The following C10orf143 variants were observed in gnomAD, a reference collection of about 807,000 sequenced individuals.
C10orf143 encodes chromosome 10 open reading frame 143.
downstream of C10orf143, among the ~76,000 whole-genome samples, chr10:130,059,865 T>C (rs1860835478): frequency 6.6e-6 from 1 of 152,188 alleles, no homozygotes; most frequent in Non-Finnish European, 1.5e-5. Context: ...ATCATGAAAT[T>C]GATGAAGCAT....
At chr10:130,047,259 A>G (rs1246479186) in intron 3 of C10orf143, among the ~76,000 whole-genome samples, 2 of 152,138 alleles carry the variant, frequency 1.3e-5, no homozygotes, top group African/African-American at 4.8e-5. Flanking sequence ...TGCCGTGGGG[A>G]TGAAGTTTCC....
At chr10:130,088,788 C>G (rs770908138) in intron 1 of C10orf143, among the ~76,000 whole-genome samples, 2 of 152,176 alleles carry the variant, frequency 1.3e-5, no homozygotes, top group Non-Finnish European at 2.9e-5. Context: ...TTCTTTCCAT[C>G]AAGTAAAGAT....
rs573788663 is a variant in C10orf143, at chr10:130,088,188, G to A, written c.70-8287C>T. Among the ~76,000 whole-genome samples the A allele has an allele frequency of 8.5e-5, 13 of 152,240 alleles. No homozygotes were observed. The East Asian group carries it at 1.7e-3, about 20-fold the overall frequency. On this transcript the variant is annotated intron_variant, in intron 1 of 3. Coordinates refer to ENST00000637128, the MANE Select transcript of C10orf143 (RefSeq NM_001355042.2). ...ACCTGAGATCAGGAGTTCGAGACCA[G>A]CCTGGCCAACATGGTGAAATTCCGT...
intron 1 of C10orf143, among the ~76,000 whole-genome samples, chr10:130,110,084 T>C (rs1028680222): frequency 2.0e-5 from 3 of 152,168 alleles, no homozygotes; most frequent in Non-Finnish European, 4.4e-5. Flanking sequence ...CCTCCCATCC[T>C]GCCTACCCCC....
intron 3 of C10orf143, among the ~76,000 whole-genome samples, chr10:130,049,473 C>T (rs1012817558): frequency 5.9e-5 from 9 of 152,348 alleles, no homozygotes; most frequent in African/African-American, 1.9e-4. Flanking sequence ...ACCGGGCAGC[C>T]CCTGGGCCAG....
At chr10:130,050,461 C>G (rs1222984671) in intron 3 of C10orf143, among the ~76,000 whole-genome samples, 3 of 152,204 alleles carry the variant, frequency 2.0e-5, no homozygotes, top group Non-Finnish European at 4.4e-5. Flanking sequence ...GAGGTCAAAG[C>G]TGCAGTGAGC....
chr10:130,052,766 T>C (rs1860751185), intron 3 of C10orf143, among the ~76,000 whole-genome samples: 1 of 152,258 alleles, frequency 6.6e-6, no homozygotes, highest in Admixed American at 6.5e-5. Context: ...AGCGTTACTC[T>C]TTCATGGTCC....
chr10:130,040,635 C>A (rs1035234854), intron 3 of C10orf143, among the ~76,000 whole-genome samples: 1 of 152,134 alleles, frequency 6.6e-6, no homozygotes, highest in Admixed American at 6.5e-5. Flanking sequence ...GATTTCGAGA[C>A]CAACCTGGCC....
chr10:130,043,883 C>T (rs902895475), intron 3 of C10orf143, among the ~76,000 whole-genome samples: 2 of 152,196 alleles, frequency 1.3e-5, no homozygotes, highest in Admixed American at 6.5e-5. Flanking sequence ...ACTTGTAGCT[C>T]GTCATGATGG....
At chr10:130,037,227 A>G (rs1334197402) in intron 3 of C10orf143, among the ~76,000 whole-genome samples, 1 of 152,176 alleles carries the variant, frequency 6.6e-6, no homozygotes, top group Non-Finnish European at 1.5e-5. Flanking sequence ...TAGCATTGAA[A>G]TTCACCAAGG....
chr10:130,094,066 T>C (rs996235868), intron 1 of C10orf143, among the ~76,000 whole-genome samples: 2 of 143,750 alleles, frequency 1.4e-5, no homozygotes, highest in African/African-American at 2.6e-5. Flanking sequence ...CCCACAGAAA[T>C]ACAAACTACC....
intron 1 of C10orf143, among the ~76,000 whole-genome samples, chr10:130,082,647 CT>C (rs1861228459): frequency 6.6e-6 from 1 of 152,208 alleles, no homozygotes; most frequent in Non-Finnish European, 1.5e-5. Context: ...ATTGTGAGGC[CT>C]CCCCAGGCAC....
downstream of C10orf143, among the ~76,000 whole-genome samples, chr10:130,061,557 A>G (rs1047938552): frequency 6.6e-5 from 10 of 152,220 alleles, no homozygotes; most frequent in Non-Finnish European, 7.4e-5. Context: ...CCCAAAAGCA[A>G]TAACAGATTA....
rs141582291 is a variant in C10orf143 at position 130,084,891 on chromosome 10, G to A, written c.70-4990C>T. On this transcript the variant is annotated intron_variant, in intron 1 of 3. Transcript: ENST00000637128. ...AACTTAGAAAGTTCTTGTAAAATGA[G>A]GGCATGTCAAAAAGACAAAGGCATA... 1.6e-3 allele frequency among the ~76,000 whole-genome samples: 251 copies of A among 152,264 alleles called. 4 individuals are homozygous for A. The highest frequency in any genetic ancestry group is 5.7e-3 in the African/African-American group (238 of 41,526).
intron 1 of C10orf143, chr10:130,104,493 C>T (rs576938216): frequency 3.3e-5 from 5 of 152,280 alleles, no homozygotes; most frequent in South Asian, 2.1e-4. Context: ...AACTAGTTAC[C>T]GTTCCTCAGT....
At chr10:130,071,100 G>A (rs1861025618) in intron 3 of C10orf143, among the ~76,000 whole-genome samples, 1 of 152,068 alleles carries the variant, frequency 6.6e-6, no homozygotes, top group African/African-American at 2.4e-5. Context: ...TGTATTTTTA[G>A]TAGAGATGAG....
At chr10:130,088,446 A>C (rs1274887826) in intron 1 of C10orf143, among the ~76,000 whole-genome samples, 1 of 152,236 alleles carries the variant, frequency 6.6e-6, no homozygotes, top group Non-Finnish European at 1.5e-5. Context: ...TAATGCAATT[A>C]ATAAGTCCAC....
chr10:130,092,603 A>G (rs553932224), intron 1 of C10orf143, among the ~76,000 whole-genome samples: 4 of 152,306 alleles, frequency 2.6e-5, no homozygotes, highest in Admixed American at 2.0e-4. Flanking sequence ...AATGCCCCCA[A>G]TTAAAAGACA....
intron 3 of C10orf143, among the ~76,000 whole-genome samples, chr10:130,039,417 G>T (rs1253243106): frequency 6.6e-6 from 1 of 152,028 alleles, no homozygotes; most frequent in East Asian, 1.9e-4. Flanking sequence ...AAAACCAGGA[G>T]CACCAGCATC....
Sources: gnomAD v4.1 joint callset for allele counts (sites outside exome capture counted in the v4.1 genomes callset) on GRCh38, gnomAD v4.1.1 for gene constraint, MANE v1.5 for transcripts, NCBI Gene and HGNC (gene_info 2026-07-23, HGNC 2026-07-21) for gene names.